The following TENM3 variants were observed in gnomAD, a reference collection of about 807,000 sequenced individuals.
TENM3 encodes teneurin-3.
Under a neutral mutation model 255.1 loss-of-function variants are expected in TENM3, and 63 were observed. That is an observed-to-expected ratio of 0.25 (90% CI 0.20 to 0.30). TENM3 has a LOEUF of 0.30. Ranked by LOEUF, TENM3 falls within the 10% of genes least tolerant of loss-of-function variation. The pLI is 1.00. For missense variants in TENM3, 2,929 were observed against 3,461.1 expected, an observed-to-expected ratio of 0.85 and a Z score of 3.86; for synonymous variants, 1,306 against 1,322.3, an observed-to-expected ratio of 0.99 and a Z score of 0.27.
At chr4:181,819,167 C>T in the TENM3 span, among the ~76,000 whole-genome samples, 9 of 152,138 alleles carry the variant, frequency 5.9e-5, no homozygotes, top group African/African-American at 2.2e-4. Context: ...TGTCTGCACA[C>T]CTGTGGGATT....
chr4:182,362,194 C>A (rs1766052187), intron 3 of TENM3, among the ~76,000 whole-genome samples: 1 of 152,140 alleles, frequency 6.6e-6, no homozygotes, highest in Admixed American at 6.5e-5. Context: ...AGGAGGCAGT[C>A]TGCCCGTTCT....
Position 182,801,272 on chromosome 4 carries a change from T to C in TENM3, c.*921T>C, listed in dbSNP as rs1031948913. On this transcript the variant is annotated 3_prime_UTR_variant, in exon 28 of 28. Coordinates refer to ENST00000511685, the MANE Select transcript of TENM3 (RefSeq NM_001080477.4). ...ATTTTTGTATTAGGTTGAAAAAATG[T>C]GCAAGCTTCTATCACTAGATGGATA... is the stretch of plus-strand genomic sequence containing the variant. 3.3e-5 allele frequency: 5 copies of C among 152,554 alleles called. No homozygotes were observed. Among genetic ancestry groups the C allele is most frequent in the Non-Finnish European group, 7.3e-5 (5 of 68,032 alleles). 9.5% of individuals were successfully genotyped at this position (152,554 alleles called of 1,614,324 possible).
At chr4:182,488,261 G>A (rs528426764) in intron 3 of TENM3, among the ~76,000 whole-genome samples, 1 of 152,116 alleles carries the variant, frequency 6.6e-6, no homozygotes, top group South Asian at 2.1e-4. Flanking sequence ...GAAGCAATTA[G>A]CATAGTGGCT....
chr4:181,671,635 G>A, the TENM3 span, among the ~76,000 whole-genome samples: 3 of 152,188 alleles, frequency 2.0e-5, no homozygotes, highest in African/African-American at 7.2e-5. Flanking sequence ...ATTTCCTGCT[G>A]TGGCTCTTTA....
At chr4:181,687,434 C>T in the TENM3 span, among the ~76,000 whole-genome samples, 1 of 152,260 alleles carries the variant, frequency 6.6e-6, no homozygotes, top group Non-Finnish European at 1.5e-5. Context: ...CTCTTTTCAG[C>T]TTCATAGTCT....
Position 182,624,467 on chromosome 4 carries a change from C to G in TENM3, c.750-4184C>G, listed in dbSNP as rs1166573367. Among the ~76,000 whole-genome samples the G allele has an allele frequency of 7.9e-5, 12 of 152,162 alleles. No homozygotes were observed. In the East Asian group the frequency reaches 2.3e-3, roughly 29 times the overall value. On this transcript the variant is annotated intron_variant, in intron 4 of 27. Coordinates refer to ENST00000511685, the MANE Select transcript of TENM3 (RefSeq NM_001080477.4). ...CATGGCATGGAAGCAGTAGAAAGAG[C>G]CTCAGCCTTCCTTGGAGTCTTGCCA...
intron 1 of TENM3, among the ~76,000 whole-genome samples, chr4:182,173,731 G>A (rs868488468): frequency 1.3e-5 from 2 of 152,170 alleles, no homozygotes; most frequent in African/African-American, 4.8e-5. Context: ...TGAGTCCTGA[G>A]ATATGGGAAA....
At chr4:182,578,158 G>GTAGAGAC (rs1426635637) in intron 3 of TENM3, among the ~76,000 whole-genome samples, 5 of 151,988 alleles carry the variant, frequency 3.3e-5, no homozygotes, top group African/African-American at 9.7e-5. Flanking sequence ...TGTATTTTTA[G>GTAGAGAC]TAGAGACGGG....
At chr4:181,482,115 A>G in the TENM3 span, among the ~76,000 whole-genome samples, 21 of 152,152 alleles carry the variant, frequency 1.4e-4, no homozygotes, top group Non-Finnish European at 2.5e-4. Flanking sequence ...AATTGTATTT[A>G]ATTTTATTTT....
chr4:181,976,500 T>A, the TENM3 span: 2 of 152,092 alleles, frequency 1.3e-5, no homozygotes, highest in African/African-American at 4.8e-5. Context: ...TACTAGGGGG[T>A]AGGACTTCAG....
At chr4:181,523,948 G>T in the TENM3 span, among the ~76,000 whole-genome samples, 2 of 152,066 alleles carry the variant, frequency 1.3e-5, no homozygotes, top group African/African-American at 4.8e-5. Context: ...AGTCTTTGTT[G>T]GTTTCCTTTT....
At chr4:182,718,421 G>A (rs914830517) in intron 13 of TENM3, among the ~76,000 whole-genome samples, 6 of 152,032 alleles carry the variant, frequency 3.9e-5, no homozygotes, top group African/African-American at 1.4e-4. Context: ...TGTGGCCTGG[G>A]CCTGAGCCTG....
At chr4:181,959,896 A>C in the TENM3 span, among the ~76,000 whole-genome samples, 1 of 152,226 alleles carries the variant, frequency 6.6e-6, no homozygotes, top group Admixed American at 6.5e-5. Context: ...ATATCCTAAA[A>C]TAGGGGTAGA....
the TENM3 span, among the ~76,000 whole-genome samples, chr4:181,647,543 A>C: frequency 2.0e-5 from 3 of 152,188 alleles, no homozygotes; most frequent in Admixed American, 6.5e-5. Context: ...CTTTGATCCT[A>C]TGTTTGCTTT....
chr4:181,577,381 G>A, the TENM3 span, among the ~76,000 whole-genome samples: 1 of 151,186 alleles, frequency 6.6e-6, no homozygotes, highest in South Asian at 2.1e-4. Context: ...TTTGTCCTTG[G>A]AGTTCTGAAA....
chr4:182,001,791 G>A, the TENM3 span, among the ~76,000 whole-genome samples: 1 of 152,048 alleles, frequency 6.6e-6, no homozygotes, highest in Admixed American at 6.6e-5. Flanking sequence ...CATAAAAAGA[G>A]AAAAATGGCC....
intron 1 of TENM3, among the ~76,000 whole-genome samples, chr4:182,305,904 C>T (rs895152647): frequency 2.0e-5 from 3 of 152,106 alleles, no homozygotes; most frequent in South Asian, 2.1e-4. Context: ...GAAAGAATTT[C>T]GTACACCATT....
At chr4:182,675,035 C>T (rs1755554095) in intron 7 of TENM3, among the ~76,000 whole-genome samples, 1 of 151,986 alleles carries the variant, frequency 6.6e-6, no homozygotes, top group Non-Finnish European at 1.5e-5. Context: ...CACCACTATG[C>T]CCAGCTAATT....
At chr4:182,279,466 C>T (rs1760229472) in intron 1 of TENM3, among the ~76,000 whole-genome samples, 1 of 152,140 alleles carries the variant, frequency 6.6e-6, no homozygotes, top group Non-Finnish European at 1.5e-5. Flanking sequence ...TGTTTTCCCA[C>T]ATGCAAGGCA....
Sources: allele counts gnomAD v4.1 joint callset (sites outside exome capture counted in the v4.1 genomes callset), GRCh38; gene constraint gnomAD v4.1.1; transcripts MANE v1.5; gene names NCBI Gene and HGNC (gene_info 2026-07-23, HGNC 2026-07-21).